The following MGST3 variants were observed in gnomAD, a reference collection of about 807,000 sequenced individuals.
The protein encoded by MGST3 is microsomal glutathione S-transferase 3.
Under a neutral mutation model 15.8 loss-of-function variants are expected in MGST3, and 13 were observed. The ratio of observed to expected loss-of-function variants is 0.82; its 90% CI spans 0.54 to 1.31. The LOEUF (loss-of-function observed/expected upper bound fraction) is 1.31. Among genes scored for constraint, MGST3 ranks in the 50% most tolerant of loss-of-function variants. The pLI is 0.00. For synonymous variants in MGST3, 49 were observed against 68.1 expected (o/e 0.72, Z 1.38); for missense variants, 155 against 192.4 (o/e 0.81, Z 1.15).
intron 1 of MGST3, among the ~76,000 whole-genome samples, chr1:165,644,586 A>T (rs1341478795): frequency 2.0e-5 from 3 of 152,202 alleles, no homozygotes; most frequent in African/African-American, 7.2e-5. Context: ...TACACTGTAT[A>T]CTTAGGCTAC....
At chr1:165,651,911 ATT>A in intron 3 of MGST3, 65 bp from the exon 4 acceptor site, 81 of 1,039,738 alleles carry the variant, frequency 7.8e-5, no homozygotes, top group Admixed American at 2.7e-4. Flanking sequence ...AAAAAAAAAA[ATT>A]CATAATTCTA....
chr1:165,642,729 G>T (rs886650896), intron 1 of MGST3, among the ~76,000 whole-genome samples: 1 of 152,178 alleles, frequency 6.6e-6, no homozygotes. Flanking sequence ...CATTTAACAA[G>T]TGAGGAAACT....
chr1:165,651,087 C>T lies in MGST3; in HGVS notation c.191C>T (p.Thr64Met), dbSNP rs200730530. The T allele has an allele frequency of 1.5e-5, 24 of 1,613,988 alleles. No individual in the cohort carries two copies. The highest frequency in any genetic ancestry group is 5.0e-5 in the Admixed American group (3 of 60,010). Residue 64 changes from threonine to methionine, a missense_variant and splice_region_variant, in exon 3 of 6, where the codon ACG becomes ATG. By Grantham distance (81) the Thr-to-Met change is moderately conservative (BLOSUM62 -1). Transcript: ENST00000367889. Reference protein sequence around the residue: ...FNCIQRAHQNTLEVYPPFLFF... With the variant: ...FNCIQRAHQNMLEVYPPFLFF... The stretch of plus-strand genomic sequence containing the variant: ...TGCATTCAGCGAGCCCACCAGAACA[C>T]GTGAGTGTCGGCCCTGCCGGGCACC...
intron 1 of MGST3, among the ~76,000 whole-genome samples, chr1:165,633,430 T>G (rs1319780597): frequency 6.6e-6 from 1 of 152,250 alleles, no homozygotes; most frequent in African/African-American, 2.4e-5. Flanking sequence ...TTAGTTGCCT[T>G]ATTTCCACCC....
At chr1:165,645,235 T>C (rs1648366949) in intron 1 of MGST3, among the ~76,000 whole-genome samples, 1 of 152,242 alleles carries the variant, frequency 6.6e-6, no homozygotes, top group South Asian at 2.1e-4. Flanking sequence ...TTTAAAACTT[T>C]CTTTTTATTT....
intron 1 of MGST3, among the ~76,000 whole-genome samples, chr1:165,648,046 A>T (rs955080311): frequency 6.6e-5 from 10 of 152,242 alleles, no homozygotes; most frequent in African/African-American, 2.4e-4. Flanking sequence ...ATTTATTTTC[A>T]AAGAGGTGTT....
intron 2 of MGST3, 183 bp downstream of exon 2, chr1:165,650,147 G>C: frequency 1.3e-6 from 1 of 760,988 alleles, no homozygotes; most frequent in South Asian, 1.7e-5. Flanking sequence ...ACAGGGCCCT[G>C]CTAGGGAGTA....
intron 1 of MGST3, among the ~76,000 whole-genome samples, chr1:165,642,793 T>G (rs1301894599): frequency 6.6e-6 from 1 of 152,232 alleles, no homozygotes; most frequent in Non-Finnish European, 1.5e-5. Context: ...CTAGGAAATA[T>G]GAGAACCAGG....
intron 2 of MGST3, chr1:165,650,234 G>A: frequency 2.1e-6 from 1 of 477,922 alleles, no homozygotes; most frequent in East Asian, 4.1e-5. Flanking sequence ...ACTTCTGCTT[G>A]GAGCTATTTG....
In MGST3 at chr1:165,655,433, G is replaced by T. The variant is rs1438893323; in HGVS notation, c.388G>T (p.Val130Leu). Residue 130 changes from valine to leucine, a missense_variant, in exon 6 of 6, where the codon GTG becomes TTG. Transcript: ENST00000367889. ...CCTCCTGGGCTTGGTGGGCACAACT[G>T]TGTGCTCTGCTTTCCAGCATCTTGG... ...IALLGLVGTT[V>L]CSAFQHLGWV... is the part of the protein sequence containing the mutation. 1 of 1,614,116 alleles carries T rather than the reference G, an allele frequency of 6.2e-7. No homozygotes were observed. The highest frequency in any genetic ancestry group is 1.7e-5 in the Admixed American group (1 of 60,008).
chr1:165,637,289 TTTTA>T (rs1402406208), intron 1 of MGST3: 3 of 152,216 alleles, frequency 2.0e-5, no homozygotes, highest in African/African-American at 4.8e-5. Flanking sequence ...CAAAGCTGGA[TTTTA>T]TTTATTTGGG....
At chr1:165,655,049 ATC>A (rs1346269779) in intron 5 of MGST3, among the ~76,000 whole-genome samples, 1 of 152,220 alleles carries the variant, frequency 6.6e-6, no homozygotes, top group Non-Finnish European at 1.5e-5. Flanking sequence ...TACCTCCTAT[ATC>A]TGAGTAAGGA....
intron 1 of MGST3, chr1:165,649,022 T>C (rs1191165921): frequency 6.6e-6 from 1 of 152,302 alleles, no homozygotes; most frequent in African/African-American, 2.4e-5. Context: ...GGATGGAAAT[T>C]TTAAAGCTGA....
At position 165,655,461 on chromosome 1, in the gene MGST3, G is replaced by C. The variant is rs199915214; in HGVS notation, c.416G>C (p.Trp139Ser). Residue 139 changes from tryptophan (W) to serine (S), a missense_variant, in exon 6 of 6, where the codon TGG becomes TCG. Trp to Ser is a radical substitution (Grantham distance 177, BLOSUM62 -3). Coordinates refer to ENST00000367889, the MANE Select transcript of MGST3 (RefSeq NM_004528.4). The part of the protein sequence containing the change: ...TVCSAFQHLG[W>S]VKSGLGSGPK... ...TGCTCTGCTTTCCAGCATCTTGGTT[G>C]GGTTAAAAGTGGCTTGGGCAGTGGA... The C allele has an allele frequency of 3.7e-4, 598 of 1,613,968 alleles. No homozygotes were observed. The highest frequency in any genetic ancestry group is 3.7e-4 in the Non-Finnish European group (435 of 1,180,022).
intron 2 of MGST3, 146 bp downstream of exon 2, chr1:165,650,110 C>T (rs896173791): frequency 4.9e-6 from 6 of 1,215,888 alleles, no homozygotes; most frequent in Non-Finnish European, 5.8e-6. Context: ...GATTCTGCTT[C>T]TTCATGGTAG....
At chr1:165,648,224 AG>A (rs1365252161) in intron 1 of MGST3, among the ~76,000 whole-genome samples, 3 of 152,244 alleles carry the variant, frequency 2.0e-5, no homozygotes, top group Non-Finnish European at 4.4e-5. Context: ...CTGTGGAACC[AG>A]CCCGCTGCAG....
intron 1 of MGST3, chr1:165,645,712 G>A (rs958166748): frequency 6.6e-6 from 1 of 152,172 alleles, no homozygotes; most frequent in African/African-American, 2.4e-5. Flanking sequence ...TGGCTATGAT[G>A]TCACTAAGCA....
chr1:165,638,493 C>G (rs1193384032), intron 1 of MGST3, among the ~76,000 whole-genome samples: 1 of 151,870 alleles, frequency 6.6e-6, no homozygotes, highest in East Asian at 1.9e-4. Context: ...CAAAACAAAA[C>G]AAAAACCCAG....
At chr1:165,649,626 CT>C in intron 1 of MGST3, 1 of 549,470 alleles carries the variant, frequency 1.8e-6, no homozygotes. Flanking sequence ...TGACTGTATA[CT>C]TTTCTGTGTA....
Sources: gnomAD v4.1 joint callset for allele counts (sites outside exome capture counted in the v4.1 genomes callset) on GRCh38, gnomAD v4.1.1 for gene constraint, MANE v1.5 for transcripts, NCBI Gene and HGNC (gene_info 2026-07-23, HGNC 2026-07-21) for gene names.